ANK2: variants seen among roughly 807,000 people sequenced by gnomAD.
ANK2 encodes ankyrin-2.
A neutral mutation model predicts 360.5 loss-of-function variants in ANK2; 83 were observed. The observed-to-expected ratio is 0.23, with a 90% CI of 0.19 to 0.28. The LOEUF (loss-of-function observed/expected upper bound fraction) is 0.28. Ranked by LOEUF, ANK2 falls within the 10% of genes least tolerant of loss-of-function variation. ANK2 has a pLI of 1.00. For synonymous variants in ANK2, 1,740 were observed against 1,759.5 expected (o/e 0.99, Z 0.28); for missense variants, 4,201 against 4,795.7 (o/e 0.88, Z 3.66).
chr4:112,748,557 T>C, the ANK2 span, among the ~76,000 whole-genome samples: 1 of 152,238 alleles, frequency 6.6e-6, no homozygotes, highest in Admixed American at 6.5e-5. Flanking sequence ...CCTATAAGGC[T>C]ATGCTAATTT....
chr4:113,192,681 A>G (rs2098687705), intron 2 of ANK2, among the ~76,000 whole-genome samples: 2 of 152,102 alleles, frequency 1.3e-5, no homozygotes, highest in African/African-American at 4.8e-5. Flanking sequence ...ATCATCTGTA[A>G]AGCATAATAA....
At chr4:112,977,614 T>C (rs147084512) in intron 2 of ANK2, among the ~76,000 whole-genome samples, 2,478 of 148,344 alleles carry the variant, frequency 0.017, 58 homozygotes, top group African/African-American at 0.06. Context: ...GTGCTGAACA[T>C]GCAGGTTTGT....
chr4:112,709,551 CCA>C, the ANK2 span, among the ~76,000 whole-genome samples: 1,104 of 152,178 alleles, frequency 7.3e-3, 7 homozygotes, highest in Non-Finnish European at 0.011. Context: ...GAGTTCGAGA[CCA>C]GCCTGGCCAA....
chr4:113,033,121 G>C (rs2060770390), intron 2 of ANK2, among the ~76,000 whole-genome samples: 1 of 151,916 alleles, frequency 6.6e-6, no homozygotes, highest in African/African-American at 2.4e-5. Context: ...CATATTACCT[G>C]GCCTTAGGAA....
chr4:112,901,273 T>C (rs912075558), intron 1 of ANK2, among the ~76,000 whole-genome samples: 1 of 152,142 alleles, frequency 6.6e-6, no homozygotes, highest in Non-Finnish European at 1.5e-5. Context: ...TTTTTAGTAG[T>C]TGTGATTGGA....
At chr4:112,738,755 T>A in the ANK2 span, 2 of 620,978 alleles carry the variant, frequency 3.2e-6, no homozygotes, top group Non-Finnish European at 6.1e-6. Flanking sequence ...CAGACCCATA[T>A]GTCAAAATGA....
At chr4:113,235,258 A>AAATTATTTTTTCCTCAG (rs2099362621) in intron 5 of ANK2, among the ~76,000 whole-genome samples, 2 of 152,326 alleles carry the variant, frequency 1.3e-5, no homozygotes, top group South Asian at 4.1e-4. Context: ...TGTGCCAAAC[A>AAATTATTTTTTCCTCAG]AAGTTCTAAA....
intron 20 of ANK2, among the ~76,000 whole-genome samples, chr4:113,292,135 G>C (rs1259780650): frequency 2.6e-5 from 4 of 152,094 alleles, no homozygotes; most frequent in Non-Finnish European, 5.9e-5. Context: ...CTTCTTAAGG[G>C]AGCCCTCCTT....
intron 1 of ANK2, among the ~76,000 whole-genome samples, chr4:112,867,974 G>A (rs2071347304): frequency 1.3e-5 from 2 of 152,154 alleles, no homozygotes; most frequent in Admixed American, 6.5e-5. Flanking sequence ...TTGAAGAACT[G>A]CTAGACTGTT....
chr4:113,159,191 CCACACACACACACA>C (rs57967546), intron 1 of ANK2, among the ~76,000 whole-genome samples: 11 of 141,940 alleles, frequency 7.7e-5, no homozygotes, highest in South Asian at 2.4e-4. Flanking sequence ...CTCTTTCCTT[CCACACACACACACA>C]CACACACACA....
chr4:112,947,548 A>C (rs1017266314), intron 2 of ANK2, among the ~76,000 whole-genome samples: 14 of 152,182 alleles, frequency 9.2e-5, no homozygotes, highest in Non-Finnish European at 1.5e-5. Flanking sequence ...ATTAATATAT[A>C]AAATGAAAAT....
intron 17 of ANK2, among the ~76,000 whole-genome samples, chr4:113,279,493 G>C (rs893043280): frequency 6.6e-6 from 1 of 151,876 alleles, no homozygotes; most frequent in Non-Finnish European, 1.5e-5. Flanking sequence ...ACCTGTGTTT[G>C]ACCTCAGGCA....
chr4:113,055,682 T>C (rs1416088674), intron 1 of ANK2, among the ~76,000 whole-genome samples: 1 of 152,188 alleles, frequency 6.6e-6, no homozygotes, highest in Admixed American at 6.6e-5. Context: ...AGAATAACTC[T>C]CATTGCATAT....
At chr4:113,365,015 A>G (rs2154052438) in intron 40 of ANK2, 24 bp from the exon 41 acceptor site, 1 of 1,613,382 alleles carries the variant, frequency 6.2e-7, no homozygotes, top group Non-Finnish European at 8.5e-7. Flanking sequence ...AGACATAATA[A>G]ATGCTGTTTC....
At chr4:112,743,376 A>G in the ANK2 span, among the ~76,000 whole-genome samples, 1 of 152,074 alleles carries the variant, frequency 6.6e-6, no homozygotes, top group African/African-American at 2.4e-5. Flanking sequence ...ATAAAAGACT[A>G]TGATGTCTTT....
chr4:112,946,135 CT>C (rs1255289021), intron 2 of ANK2, among the ~76,000 whole-genome samples: 1 of 152,140 alleles, frequency 6.6e-6, no homozygotes, highest in Middle Eastern at 3.2e-3. Context: ...CTTTCCTGAA[CT>C]TTGAGAGGGG....
intron 1 of ANK2, among the ~76,000 whole-genome samples, chr4:112,860,581 A>T (rs1208204708): frequency 6.6e-6 from 1 of 152,166 alleles, no homozygotes; most frequent in African/African-American, 2.4e-5. Context: ...TATCTGGAAA[A>T]ATGAAGCAGT....
intron 2 of ANK2, among the ~76,000 whole-genome samples, chr4:112,957,019 T>C (rs968691328): frequency 6.8e-6 from 1 of 146,592 alleles, no homozygotes; most frequent in Non-Finnish European, 1.5e-5. Flanking sequence ...TTTTTTTTTT[T>C]TTTTTTTTTT....
chr4:113,163,916 C>A (rs1015787077), intron 1 of ANK2, among the ~76,000 whole-genome samples: 1 of 151,620 alleles, frequency 6.6e-6, no homozygotes. Context: ...AATTTCAGAA[C>A]ATCTTTATCA....
Sources: gnomAD v4.1 joint callset for allele counts (sites outside exome capture counted in the v4.1 genomes callset) on GRCh38, gnomAD v4.1.1 for gene constraint, MANE v1.5 for transcripts, NCBI Gene and HGNC (gene_info 2026-07-23, HGNC 2026-07-21) for gene names.